Variants in PPTC7 observed in about 807,000 individuals in gnomAD.
The protein encoded by PPTC7 is protein phosphatase PTC7 homolog.
In PPTC7, 6 loss-of-function variants were observed where a neutral mutation model predicts 30.8. The ratio of observed to expected loss-of-function variants is 0.19; its 90% CI spans 0.11 to 0.38. The LOEUF is 0.38. Among genes scored for constraint, PPTC7 ranks in the 10% least tolerant of loss-of-function variants. The probability of loss-of-function intolerance (pLI) is 1.00; values close to 1 mark genes in which losing one functional copy is unlikely to be tolerated. For missense variants in PPTC7, 218 were observed against 404.8 expected, an observed-to-expected ratio of 0.54 and a Z score of 3.96; for synonymous variants, 163 against 168.1, an observed-to-expected ratio of 0.97 and a Z score of 0.23.
chr12:110,574,863 C>T (rs895526275), intron 1 of PPTC7, among the ~76,000 whole-genome samples: 1 of 151,776 alleles, frequency 6.6e-6, no homozygotes, highest in African/African-American at 2.4e-5. Context: ...ACTGCAACCT[C>T]TGCTTCCCAG....
intron 1 of PPTC7, among the ~76,000 whole-genome samples, chr12:110,561,467 C>G (rs1456506505): frequency 6.6e-6 from 1 of 152,260 alleles, no homozygotes; most frequent in African/African-American, 2.4e-5. Flanking sequence ...GCACCCACCA[C>G]CATGCTTGGC....
chr12:110,554,315 G>A (rs1380093206), intron 1 of PPTC7, among the ~76,000 whole-genome samples: 4 of 151,944 alleles, frequency 2.6e-5, no homozygotes, highest in East Asian at 1.9e-4. Flanking sequence ...CAAGGACTAC[G>A]GGGTCATGCC....
At chr12:110,580,270 A>G (rs1179015724) in intron 1 of PPTC7, among the ~76,000 whole-genome samples, 1 of 152,170 alleles carries the variant, frequency 6.6e-6, no homozygotes. Context: ...CTTTTTTAGA[A>G]TGGGTTTGAC....
intron 5 of PPTC7, 39 bp from the exon 6 acceptor site, chr12:110,537,134 G>A (rs1481045688): frequency 6.7e-7 from 1 of 1,495,414 alleles, no homozygotes; most frequent in East Asian, 2.3e-5. Context: ...TATTTTAAAA[G>A]GAAAAGTCAA....
intron 3 of PPTC7, among the ~76,000 whole-genome samples, chr12:110,540,318 C>T (rs1164739120): frequency 2.0e-4 from 25 of 126,964 alleles, no homozygotes; most frequent in African/African-American, 6.8e-4. Flanking sequence ...CATCCCCCCC[C>T]GCCTTTTTTT....
intron 1 of PPTC7, among the ~76,000 whole-genome samples, chr12:110,575,422 A>G (rs1261106259): frequency 6.6e-6 from 1 of 152,034 alleles, no homozygotes; most frequent in African/African-American, 2.4e-5. Context: ...TAACTTTAGC[A>G]TTTGAGCTAC....
intron 1 of PPTC7, among the ~76,000 whole-genome samples, chr12:110,555,184 G>C (rs1250874990): frequency 6.6e-6 from 1 of 152,108 alleles, no homozygotes; most frequent in Non-Finnish European, 1.5e-5. Context: ...AACACATCGT[G>C]AAAAAGTAAG....
At chr12:110,568,016 C>T (rs1165348448) in intron 1 of PPTC7, among the ~76,000 whole-genome samples, 1 of 98,400 alleles carries the variant, frequency 1.0e-5, no homozygotes, top group Non-Finnish European at 2.0e-5. Flanking sequence ...CCAAACCAAA[C>T]AAAAAACCCA....
At chr12:110,537,922 C>T (rs2064231307) in intron 5 of PPTC7, among the ~76,000 whole-genome samples, 1 of 152,172 alleles carries the variant, frequency 6.6e-6, no homozygotes, top group Non-Finnish European at 1.5e-5. Flanking sequence ...GTTCCACCTG[C>T]CTCTGCCGCC....
In PPTC7 at chr12:110,535,212, C is replaced by T. The variant is rs966683135; in HGVS notation, c.*1825G>A. On this transcript the variant is annotated 3_prime_UTR_variant, in exon 6 of 6. Transcript: ENST00000354300. ...TCCAGACCCCCCACCCCGCCCCCAC[C>T]GCGTCTACCAAAGAATTCTGTTTTG... The T allele has an allele frequency of 6.6e-6, 1 of 152,342 alleles. No individual in the cohort carries two copies. Among genetic ancestry groups the T allele is most frequent in the Non-Finnish European group, 1.5e-5 (1 of 67,994 alleles). 9.4% of individuals were successfully genotyped at this position (152,342 alleles called of 1,614,324 possible). A position where few individuals can be genotyped will look rare whatever the true frequency, so the allele number is the denominator to read the frequency against.
At position 110,551,778 on chromosome 12, in the gene PPTC7, T is replaced by C. The variant is rs1243948790; in HGVS notation, c.403+11A>G. 3.7e-6 allele frequency: 6 copies of C among 1,610,078 alleles called. 1 individual carries two copies. The South Asian group carries it at 5.5e-5, about 15-fold the overall frequency. The stretch of plus-strand genomic sequence containing the variant: ...CTTCTTTAGAGGAAAACACATAAGA[T>C]ACCCACTTACCGAGCAAAGGGACTT... On this transcript the variant is annotated intron_variant, in intron 2 of 5. Coordinates refer to ENST00000354300, the MANE Select transcript of PPTC7 (RefSeq NM_139283.2).
At chr12:110,577,311 G>GA (rs2064598167) in intron 1 of PPTC7, among the ~76,000 whole-genome samples, 1 of 147,354 alleles carries the variant, frequency 6.8e-6, no homozygotes, top group Non-Finnish European at 1.5e-5. Context: ...AAAAAAAAAA[G>GA]AAAAAAAAAT....
chr12:110,558,693 T>C (rs561905596), intron 1 of PPTC7, among the ~76,000 whole-genome samples: 2 of 151,068 alleles, frequency 1.3e-5, no homozygotes, highest in Non-Finnish European at 3.0e-5. Flanking sequence ...TGGTGCGATA[T>C]TGGCTCACTG....
rs115108116 is a variant in PPTC7 at position 110,580,682 on chromosome 12, G to A, written c.223+2127C>T. ...AAAATCAAGCTTCCATATAGAATTTGATACATTTAAATACTCCCCAAATCA... is the reference window on the plus strand; with the variant it reads ...AAAATCAAGCTTCCATATAGAATTTAATACATTTAAATACTCCCCAAATCA... On this transcript the variant is annotated intron_variant, in intron 1 of 5. Transcript: ENST00000354300. Among the ~76,000 whole-genome samples, 898 of 151,930 alleles carry A rather than the reference G, an allele frequency of 5.9e-3. 2 individuals carry two copies. Among genetic ancestry groups the A allele is most frequent in the African/African-American group, 0.021 (860 of 41,438 alleles).
intron 4 of PPTC7, among the ~76,000 whole-genome samples, chr12:110,538,832 C>T (rs1413879701): frequency 6.6e-6 from 1 of 152,208 alleles, no homozygotes; most frequent in Non-Finnish European, 1.5e-5. Flanking sequence ...GCTTCAATGT[C>T]ACCTCCTCAA....
intron 4 of PPTC7, among the ~76,000 whole-genome samples, chr12:110,538,857 A>T (rs1247654785): frequency 6.6e-6 from 1 of 152,170 alleles, no homozygotes; most frequent in Non-Finnish European, 1.5e-5. Context: ...GCCCTTCCTG[A>T]CCAATCTATC....
intron 5 of PPTC7, among the ~76,000 whole-genome samples, chr12:110,537,462 G>GAAT (rs1250947292): frequency 2.6e-5 from 4 of 152,136 alleles, no homozygotes; most frequent in African/African-American, 9.7e-5. Context: ...TTGAAACTAG[G>GAAT]AATAGCCTTG....
rs1270455501 is a variant in PPTC7, at chr12:110,535,996, G to GCTCT, written c.*1037_*1040dup. On this transcript the variant is annotated 3_prime_UTR_variant, in exon 6 of 6. Coordinates refer to ENST00000354300, the MANE Select transcript of PPTC7 (RefSeq NM_139283.2). ...GTGCTGCTGCCGCTGCGCACACAGT[G>GCTCT]CTCTCTCCACATGGACTCACTGGAT... The GCTCT allele has an allele frequency of 6.6e-6, 1 of 152,558 alleles. No homozygotes were observed. Among genetic ancestry groups the GCTCT allele is most frequent in the African/African-American group, 2.4e-5 (1 of 41,450 alleles). The allele number at this position is 152,558 out of a possible 1,614,324, so 9.5% of individuals were successfully genotyped here. A position where few individuals can be genotyped will look rare whatever the true frequency, so the allele number is the denominator to read the frequency against.
At chr12:110,582,062 T>A (rs1309841963) in intron 1 of PPTC7, among the ~76,000 whole-genome samples, 2 of 152,152 alleles carry the variant, frequency 1.3e-5, no homozygotes, top group Non-Finnish European at 2.9e-5. Context: ...AAGGTATAAC[T>A]GGAATAGGCC....
Sources: allele counts gnomAD v4.1 joint callset (sites outside exome capture counted in the v4.1 genomes callset), GRCh38; gene constraint gnomAD v4.1.1; transcripts MANE v1.5; gene names NCBI Gene and HGNC (gene_info 2026-07-23, HGNC 2026-07-21).